PTK2B: variants seen among roughly 807,000 people sequenced by gnomAD.
PTK2B encodes the protein protein-tyrosine kinase 2-beta.
Under a neutral mutation model 142.9 loss-of-function variants are expected in PTK2B, and 71 were observed. That is an observed-to-expected ratio of 0.50 (90% confidence interval 0.41 to 0.61). The LOEUF (loss-of-function observed/expected upper bound fraction) is 0.61. Ranked by LOEUF, PTK2B falls within the 20% of genes least tolerant of loss-of-function variation. The pLI, the probability that PTK2B is intolerant of heterozygous loss-of-function variation, is 0.00. For synonymous variants in PTK2B, 519 were observed against 503.4 expected (o/e 1.03, Z -0.42); for missense variants, 1,105 against 1,320.4 (o/e 0.84, Z 2.53).
At chr8:27,457,906 C>T (rs1213424738) in intron 30 of PTK2B, among the ~76,000 whole-genome samples, 8 of 144,740 alleles carry the variant, frequency 5.5e-5, no homozygotes, top group South Asian at 2.2e-4. Context: ...ACCCAGGAGG[C>T]GGGCATTGCA....
upstream of PTK2B, chr8:27,310,672 G>A: frequency 1.9e-6 from 2 of 1,080,114 alleles, no homozygotes; most frequent in Non-Finnish European, 2.6e-6. Flanking sequence ...GAGAGGTGGG[G>A]TCCTGCATGC....
intron 2 of PTK2B, among the ~76,000 whole-genome samples, chr8:27,413,861 C>T (rs968791756): frequency 6.6e-6 from 1 of 152,180 alleles, no homozygotes; most frequent in Non-Finnish European, 1.5e-5. Context: ...TTTCTATTTC[C>T]ATCCTTTCTT....
intron 1 of PTK2B, among the ~76,000 whole-genome samples, chr8:27,390,634 C>T (rs1223276452): frequency 6.6e-6 from 1 of 152,040 alleles, no homozygotes; most frequent in African/African-American, 2.4e-5. Context: ...GAGCAAGCCC[C>T]TATCTCTAAA....
At position 27,436,343 on chromosome 8, in the gene PTK2B, A is replaced by G. The variant is rs764342481; in HGVS notation, c.1336A>G (p.Asn446Asp). The change falls in exon 15 of 31, where the codon AAT becomes GAT. Residue 446 changes from asparagine (N) to aspartate (D), a missense_variant. Physicochemically the swap from Asn to Asp is conservative, Grantham distance 23. Transcript: ENST00000346049. ...GGAGGTCTATGAAGGTGTCTACACA[A>G]ATCACGTGAGTTCTAGGATCTTCCC... The part of the protein sequence containing the change: ...FGEVYEGVYT[N>D]HKGEKINVAV... 1 of 1,610,934 alleles carries G rather than the reference A, an allele frequency of 6.2e-7. No homozygotes were observed. Among genetic ancestry groups the G allele is most frequent in the South Asian group, 1.1e-5 (1 of 91,018 alleles).
intron 21 of PTK2B, among the ~76,000 whole-genome samples, chr8:27,441,623 C>T (rs896073256): frequency 2.0e-5 from 3 of 152,182 alleles, no homozygotes; most frequent in African/African-American, 7.2e-5. Flanking sequence ...GCAGGGCCTT[C>T]AACATCATCT....
chr8:27,365,883 A>G (rs1805991824), intron 1 of PTK2B, among the ~76,000 whole-genome samples: 3 of 152,182 alleles, frequency 2.0e-5, no homozygotes, highest in South Asian at 4.1e-4. Flanking sequence ...ACTGCTCCTC[A>G]GTTATGAAAT....
At chr8:27,344,895 G>A (rs570839413) in intron 1 of PTK2B, among the ~76,000 whole-genome samples, 3 of 145,520 alleles carry the variant, frequency 2.1e-5, no homozygotes, top group Non-Finnish European at 3.0e-5. Context: ...GAGAGAGGCC[G>A]GGCATGGTGG....
intron 1 of PTK2B, among the ~76,000 whole-genome samples, chr8:27,360,593 G>A (rs909012451): frequency 4.6e-5 from 7 of 152,060 alleles, no homozygotes; most frequent in South Asian, 2.1e-4. Flanking sequence ...CTCCTGAACC[G>A]GTGGCAGAAC....
At chr8:27,351,598 A>G (rs1805094691) in intron 1 of PTK2B, among the ~76,000 whole-genome samples, 3 of 152,186 alleles carry the variant, frequency 2.0e-5, no homozygotes, top group Non-Finnish European at 2.9e-5. Flanking sequence ...ACCAAAAAAA[A>G]TAAATTAATT....
intron 1 of PTK2B, among the ~76,000 whole-genome samples, chr8:27,331,867 TTCTATGTTC>T (rs1412170416): frequency 6.6e-6 from 1 of 152,170 alleles, no homozygotes; most frequent in Non-Finnish European, 1.5e-5. Context: ...TCAAGTGCTT[TTCTATGTTC>T]TCTGGCAGTA....
At chr8:27,417,550 G>A (rs1809479428) in intron 2 of PTK2B, among the ~76,000 whole-genome samples, 1 of 152,092 alleles carries the variant, frequency 6.6e-6, no homozygotes, top group African/African-American at 2.4e-5. Context: ...TGTCAAAATT[G>A]TATAGCTTCA....
chr8:27,333,461 T>G (rs868108645), intron 1 of PTK2B, among the ~76,000 whole-genome samples: 2 of 151,612 alleles, frequency 1.3e-5, no homozygotes, highest in African/African-American at 4.9e-5. Flanking sequence ...GATAAGAGAG[T>G]GTTGTAATAT....
At chr8:27,451,017 C>T in intron 25 of PTK2B, 26 bp from the exon 26 acceptor site, 2 of 1,611,438 alleles carry the variant, frequency 1.2e-6, no homozygotes, top group Non-Finnish European at 1.7e-6. Context: ...ATTCTTAGTC[C>T]TTCGCTCTTG....
chr8:27,440,889 G>A (rs1462605909), intron 21 of PTK2B, among the ~76,000 whole-genome samples: 1 of 152,150 alleles, frequency 6.6e-6, no homozygotes, highest in East Asian at 1.9e-4. Context: ...CTTCTGAATG[G>A]GGGATAAGGG....
chr8:27,345,310 A>G (rs1032599579), intron 1 of PTK2B, among the ~76,000 whole-genome samples: 35 of 152,364 alleles, frequency 2.3e-4, no homozygotes, highest in African/African-American at 8.4e-4. Flanking sequence ...TTCTAACTGC[A>G]ATGATTTAGT....
At chr8:27,454,398 G>A in intron 29 of PTK2B, 107 bp downstream of exon 29, 1 of 1,555,938 alleles carries the variant, frequency 6.4e-7, no homozygotes, top group South Asian at 1.2e-5. Flanking sequence ...CTTAGAGCAA[G>A]CTGGGCCAGG....
chr8:27,314,260 C>T (rs1803044999), intron 3 of PTK2B, among the ~76,000 whole-genome samples: 1 of 152,230 alleles, frequency 6.6e-6, no homozygotes, highest in Non-Finnish European at 1.5e-5. Context: ...TCTGAAGGCT[C>T]CCATGTCACA....
At chr8:27,314,707 G>A (rs1347222825) in intron 3 of PTK2B, among the ~76,000 whole-genome samples, 2 of 152,178 alleles carry the variant, frequency 1.3e-5, no homozygotes, top group Admixed American at 1.3e-4. Flanking sequence ...CCCACACTGT[G>A]GAGTTTACTT....
chr8:27,396,171 T>C (rs1354872961), intron 1 of PTK2B: 1 of 152,254 alleles, frequency 6.6e-6, no homozygotes, highest in Non-Finnish European at 1.5e-5. Context: ...GCCTCTCTTT[T>C]GCATCTTCGT....
Sources: allele counts gnomAD v4.1 joint callset (sites outside exome capture counted in the v4.1 genomes callset), GRCh38; gene constraint gnomAD v4.1.1; transcripts MANE v1.5; gene names NCBI Gene and HGNC (gene_info 2026-07-23, HGNC 2026-07-21).